BPIFA3: variants seen among roughly 807,000 people sequenced by gnomAD.
BPIFA3 encodes the protein BPI fold containing family A member 3.
Under a neutral mutation model 29.7 loss-of-function variants are expected in BPIFA3, and 32 were observed. The ratio of observed to expected loss-of-function variants is 1.08; its 90% CI spans 0.81 to 1.45. The LOEUF (loss-of-function observed/expected upper bound fraction) is 1.45. Among genes scored for constraint, BPIFA3 ranks in the 40% most tolerant of loss-of-function variants. BPIFA3 has a pLI of 0.00. For missense variants in BPIFA3, 323 were observed against 311.3 expected (o/e 1.04, Z -0.28); for synonymous variants, 112 against 113.7 (o/e 0.98, Z 0.10).
In BPIFA3 at chr20:33,221,777, C is replaced by G. The variant is rs1304980703; in HGVS notation, c.128-2034C>G. ...TCTATTTTTCCTCATTGAAACTTGG[C>G]ATTTTGTGGTTGGCATAAATGTATC... On this transcript the variant is annotated intron_variant, in intron 1 of 6. Coordinates refer to ENST00000375454, the MANE Select transcript of BPIFA3 (RefSeq NM_178466.5). 2.0e-5 allele frequency among the ~76,000 whole-genome samples: 3 copies of G among 152,084 alleles called. No individual in the cohort carries two copies. In the East Asian group the frequency reaches 5.8e-4, roughly 29 times the overall value.
Position 33,225,112 on chromosome 20 carries a change from A to C in BPIFA3, c.401A>C (p.Asn134Thr), listed in dbSNP as rs187062772. 1.2e-6 allele frequency: 2 copies of C among 1,614,038 alleles called. No homozygotes were observed. Among genetic ancestry groups the C allele is most frequent in the Admixed American group, 1.7e-5 (1 of 60,024 alleles). Residue 134 changes from asparagine to threonine, a missense_variant, in exon 4 of 7, where the codon AAC becomes ACC. Asn to Thr is a moderately conservative substitution (Grantham distance 65, BLOSUM62 0). Coordinates refer to ENST00000375454, the MANE Select transcript of BPIFA3 (RefSeq NM_178466.5). ...CTCATCTGCAGGTCCTTCGATAACAACATCGTAAAGATGTGTGCACATATG... is the reference window on the plus strand; with the variant it reads ...CTCATCTGCAGGTCCTTCGATAACACCATCGTAAAGATGTGTGCACATATG... Reference protein sequence around the residue: ...DLELRPSFDNNIVKMCAHMSI... With the variant: ...DLELRPSFDNTIVKMCAHMSI...
chr20:33,223,525 T>C (rs924720738), intron 1 of BPIFA3: 2 of 312,790 alleles, frequency 6.4e-6, no homozygotes. Flanking sequence ...AGCTCCGTGC[T>C]CCAGACTGAA....
intron 1 of BPIFA3, among the ~76,000 whole-genome samples, chr20:33,221,448 C>T (rs1412281376): frequency 3.9e-5 from 6 of 152,290 alleles, no homozygotes; most frequent in Admixed American, 2.6e-4. Context: ...TGAGCCACTG[C>T]GCCTGGCCAA....
Position 33,217,440 on chromosome 20 carries a change from G to C in BPIFA3, c.-97G>C, listed in dbSNP as rs922021519. On this transcript the variant is annotated 5_prime_UTR_variant, in exon 1 of 7. Coordinates refer to ENST00000375454, the MANE Select transcript of BPIFA3 (RefSeq NM_178466.5). ...GGGCTAATTCTGATGTCATCTTTCTGCAGAAAACCATTAGACCATCCCTCC... is the reference window on the plus strand; with the variant it reads ...GGGCTAATTCTGATGTCATCTTTCTCCAGAAAACCATTAGACCATCCCTCC... 6.9e-7 allele frequency: 1 copy of C among 1,451,014 alleles called. No individual in the cohort carries two copies. The highest frequency in any genetic ancestry group is 1.4e-5 in the African/African-American group (1 of 69,706). 89.9% of individuals were successfully genotyped at this position (1,451,014 alleles called of 1,614,324 possible).
rs750185694 is a variant in BPIFA3, at chr20:33,217,572, C to G, written c.36C>G (p.Leu12=). 1.2e-5 allele frequency: 20 copies of G among 1,614,210 alleles called. No homozygotes were observed. The highest frequency in any genetic ancestry group is 1.7e-5 in the Non-Finnish European group (20 of 1,180,020). Residue 12 remains leucine, a synonymous_variant, in exon 1 of 7, where the codon CTC becomes CTG. Transcript: ENST00000375454. Reference sequence around the variant, plus strand: ...CACTCTGGAGGCTCCTCATCTTCCTCGGGTTGCTGGCCTTGCCCTTGGCAC... The same window carrying G: ...CACTCTGGAGGCTCCTCATCTTCCTGGGGTTGCTGGCCTTGCCCTTGGCAC... The part of the protein sequence containing the change: ...MCPLWRLLIF[L]GLLALPLAPH...
rs6057770 is a variant in BPIFA3 at position 33,225,019 on chromosome 20, G to A, written c.387-79G>A. On this transcript the variant is annotated intron_variant, in intron 3 of 6. Transcript: ENST00000375454. ...GAAGCCCTAACGGTGGACAGTGCCC[G>A]TCTTTGCCAATACGGAGATTTCTAC... is the stretch of plus-strand genomic sequence containing the variant. The A allele has an allele frequency of 0.029, 41,125 of 1,394,120 alleles. 7,542 individuals carry two copies. The African/African-American group carries it at 0.45, about 15-fold the overall frequency. The allele number at this position is 1,394,120 out of a possible 1,614,324, so 86.4% of individuals were successfully genotyped here.
intron 1 of BPIFA3, chr20:33,223,312 G>A (rs1985615066): frequency 6.5e-6 from 1 of 154,732 alleles, no homozygotes; most frequent in Admixed American, 6.3e-5. Flanking sequence ...AGGGTCTAGA[G>A]ACAAAATAGA....
At chr20:33,227,068 G>A in intron 6 of BPIFA3, 75 bp downstream of exon 6, 1 of 1,397,172 alleles carries the variant, frequency 7.2e-7, no homozygotes, top group Non-Finnish European at 1.0e-6. Flanking sequence ...CGGCCCTGGA[G>A]CCCCCAGGGA....
At position 33,217,635 on chromosome 20, in the gene BPIFA3, C is replaced by G; in HGVS notation, c.99C>G (p.His33Gln). Residue 33 changes from histidine (H) to glutamine (Q), a missense_variant, in exon 1 of 7, where the codon CAC becomes CAG. Transcript: ENST00000375454. Reference sequence around the variant, plus strand: ...CTTGGCCTGGCCTGGCCCAAGCCCACAGAGACAACAAATCCACCCTGGCAA... The same window carrying G: ...CTTGGCCTGGCCTGGCCCAAGCCCAGAGAGACAACAAATCCACCCTGGCAA... Reference protein sequence around the residue: ...KQPWPGLAQAHRDNKSTLARI... With the variant: ...KQPWPGLAQAQRDNKSTLARI... The G allele has an allele frequency of 1.2e-6, 2 of 1,613,966 alleles. No individual in the cohort carries two copies. Among genetic ancestry groups the G allele is most frequent in the Non-Finnish European group, 8.5e-7 (1 of 1,179,948 alleles).
chr20:33,219,254 A>G (rs1985405125), intron 1 of BPIFA3, among the ~76,000 whole-genome samples: 1 of 151,692 alleles, frequency 6.6e-6, no homozygotes, highest in Non-Finnish European at 1.5e-5. Flanking sequence ...TCCATTTTTA[A>G]ATTTGCTTTT....
chr20:33,226,730 T>G lies in BPIFA3; in HGVS notation c.622-200T>G, dbSNP rs193248558. Among the ~76,000 whole-genome samples, 6 of 152,308 alleles carry G rather than the reference T, an allele frequency of 3.9e-5. No individual in the cohort carries two copies. The East Asian group carries it at 1.2e-3, about 29-fold the overall frequency. On this transcript the variant is annotated intron_variant, in intron 5 of 6. Transcript: ENST00000375454. Reference sequence around the variant, plus strand: ...GATCCACCATAGTCTCTATCTTATATGATGAGGATTTGTGGAGACAAAGCG... The same window carrying G: ...GATCCACCATAGTCTCTATCTTATAGGATGAGGATTTGTGGAGACAAAGCG...
intron 1 of BPIFA3, among the ~76,000 whole-genome samples, chr20:33,220,923 T>C (rs1025667660): frequency 6.6e-6 from 1 of 152,224 alleles, no homozygotes; most frequent in African/African-American, 2.4e-5. Context: ...CTGTGGGTTT[T>C]TGGAATATAG....
At chr20:33,227,445 C>T (rs998383140) in intron 6 of BPIFA3, 93 bp from the exon 7 acceptor site, 75 of 1,082,034 alleles carry the variant, frequency 6.9e-5, no homozygotes, top group Middle Eastern at 4.0e-4. Context: ...CGGCACCTGC[C>T]TTTGGTCACC....
chr20:33,218,006 A>G (rs1985344209), intron 1 of BPIFA3, among the ~76,000 whole-genome samples: 2 of 147,970 alleles, frequency 1.4e-5, no homozygotes, highest in African/African-American at 5.3e-5. Context: ...TATGTACAGT[A>G]CTTTAATTTA....
rs1227346438 is a variant in BPIFA3, at chr20:33,217,433, T to C, written c.-104T>C. On this transcript the variant is annotated 5_prime_UTR_variant, in exon 1 of 7. Coordinates refer to ENST00000375454, the MANE Select transcript of BPIFA3 (RefSeq NM_178466.5). ...ATGCTGGGGGCTAATTCTGATGTCA[T>C]CTTTCTGCAGAAAACCATTAGACCA... 1 of 1,425,578 alleles carries C rather than the reference T, an allele frequency of 7.0e-7. No homozygotes were observed. Among genetic ancestry groups the C allele is most frequent in the Admixed American group, 2.2e-5 (1 of 45,556 alleles). The allele number at this position is 1,425,578 out of a possible 1,614,324, so 88.3% of individuals were successfully genotyped here.
intron 1 of BPIFA3, among the ~76,000 whole-genome samples, chr20:33,222,369 T>C (rs1985553082): frequency 6.6e-6 from 1 of 152,240 alleles, no homozygotes; most frequent in Non-Finnish European, 1.5e-5. Flanking sequence ...TTTGGTCTGA[T>C]AGAGCCAACT....
At chr20:33,219,673 C>T (rs770871326) in intron 1 of BPIFA3, among the ~76,000 whole-genome samples, 4 of 152,224 alleles carry the variant, frequency 2.6e-5, no homozygotes, top group Non-Finnish European at 5.9e-5. Flanking sequence ...GGATTCACTG[C>T]TGAACTCCCT....
rs1266583358 is a variant in BPIFA3, at chr20:33,227,785, G to C, written c.*168G>C. On this transcript the variant is annotated 3_prime_UTR_variant, in exon 7 of 7. Transcript: ENST00000375454. Reference sequence around the variant, plus strand: ...ACAGGTCCCTCCCACCTGGGCCCTGGGGTTTAGGTCTAGAAGTCAGACCTG... The same window carrying C: ...ACAGGTCCCTCCCACCTGGGCCCTGCGGTTTAGGTCTAGAAGTCAGACCTG... 5.1e-6 allele frequency: 3 copies of C among 590,966 alleles called. No individual in the cohort carries two copies. Among genetic ancestry groups the C allele is most frequent in the Non-Finnish European group, 9.0e-6 (3 of 333,612 alleles). The allele number at this position is 590,966 out of a possible 1,614,324, so 36.6% of individuals were successfully genotyped here.
chr20:33,220,198 A>G (rs989091018), intron 1 of BPIFA3, among the ~76,000 whole-genome samples: 7 of 151,868 alleles, frequency 4.6e-5, no homozygotes, highest in African/African-American at 1.2e-4. Flanking sequence ...GGAGATCGAG[A>G]CCATCCTGGC....
Sources: allele counts gnomAD v4.1 joint callset (sites outside exome capture counted in the v4.1 genomes callset), GRCh38; gene constraint gnomAD v4.1.1; transcripts MANE v1.5; gene names NCBI Gene and HGNC (gene_info 2026-07-23, HGNC 2026-07-21).